GNAQ: variants seen among roughly 807,000 people sequenced by gnomAD.
The protein encoded by GNAQ is guanine nucleotide-binding protein G(q) subunit alpha.
A neutral mutation model predicts 43.9 loss-of-function variants in GNAQ; 8 were observed. That is an observed-to-expected ratio of 0.18 (90% CI 0.11 to 0.33). GNAQ has a LOEUF of 0.33. Among genes scored for constraint, GNAQ ranks in the 10% least tolerant of loss-of-function variants. GNAQ has a pLI of 1.00. For missense variants in GNAQ, 158 were observed against 450.8 expected, an observed-to-expected ratio of 0.35 and a Z score of 5.88; for synonymous variants, 155 against 170.7, an observed-to-expected ratio of 0.91 and a Z score of 0.71.
In GNAQ at chr9:77,720,075, A is replaced by G. The variant is rs1825286519; in HGVS notation, c.*1248T>C. On this transcript the variant is annotated 3_prime_UTR_variant, in exon 7 of 7. Transcript: ENST00000286548. Reference sequence around the variant, plus strand: ...CAGATTTCCTGTTAAACCACACAGGATACTTTTTACATTGCCGGTTTGGAC... The same window carrying G: ...CAGATTTCCTGTTAAACCACACAGGGTACTTTTTACATTGCCGGTTTGGAC... The G allele has an allele frequency of 4.3e-6, 1 of 232,760 alleles. No individual in the cohort carries two copies. Among genetic ancestry groups the G allele is most frequent in the Non-Finnish European group, 8.5e-6 (1 of 117,818 alleles). 14.4% of individuals were successfully genotyped at this position (232,760 alleles called of 1,614,324 possible). A position where few individuals can be genotyped will look rare whatever the true frequency, so the allele number is the denominator to read the frequency against.
At chr9:77,743,996 A>AAGC (rs1825693900) in intron 5 of GNAQ, among the ~76,000 whole-genome samples, 1 of 152,244 alleles carries the variant, frequency 6.6e-6, no homozygotes, top group Non-Finnish European at 1.5e-5. Context: ...AATTCGGATC[A>AAGC]GAGTGCAAGG....
At position 78,031,734 on chromosome 9, in the gene GNAQ, G is replaced by A. The variant is rs2118635031; in HGVS notation, c.-499C>T. On this transcript the variant is annotated 5_prime_UTR_variant, in exon 1 of 7. Transcript: ENST00000286548. ...CCGCTCCTCGCCGCCGCCTGACACG[G>A]CTCCCGGGCGCCCTCGGCCCTGTCC... 6.8e-6 allele frequency among the ~76,000 whole-genome samples: 1 copy of A among 147,614 alleles called. No homozygotes were observed. Among genetic ancestry groups the A allele is most frequent in the African/African-American group, 2.4e-5 (1 of 40,972 alleles).
rs1403714503 is a variant in GNAQ, at chr9:77,866,462, T to C, written c.322-50692A>G. Among the ~76,000 whole-genome samples, 6 of 152,106 alleles carry C rather than the reference T, an allele frequency of 3.9e-5. 1 individual carries two copies. The East Asian group carries it at 1.2e-3, about 29-fold the overall frequency. ...CAAAAAATAAATAAATAATTAAAAA[T>C]TAAAAATTAAAACTAAACCAAATCA... On this transcript the variant is annotated intron_variant, in intron 2 of 6. Transcript: ENST00000286548.
At chr9:77,861,680 C>T (rs1260721594) in intron 2 of GNAQ, among the ~76,000 whole-genome samples, 2 of 152,084 alleles carry the variant, frequency 1.3e-5, no homozygotes, top group Non-Finnish European at 2.9e-5. Flanking sequence ...TCCTTTGACT[C>T]CATGTCTCAC....
intron 1 of GNAQ, among the ~76,000 whole-genome samples, 169 bp from the exon 2 acceptor site, chr9:77,922,514 G>A (rs539474068): frequency 6.6e-6 from 1 of 152,140 alleles, no homozygotes; most frequent in Non-Finnish European, 1.5e-5. Flanking sequence ...AAATTAGAGG[G>A]AGAGAGTCTA....
chr9:77,953,623 G>A (rs984037584), intron 1 of GNAQ, among the ~76,000 whole-genome samples: 1 of 152,154 alleles, frequency 6.6e-6, no homozygotes, highest in African/African-American at 2.4e-5. Context: ...GTGAATCCCT[G>A]CACACCCAAA....
chr9:77,848,934 C>A (rs1827628642), intron 2 of GNAQ, among the ~76,000 whole-genome samples: 1 of 152,146 alleles, frequency 6.6e-6, no homozygotes, highest in Non-Finnish European at 1.5e-5. Flanking sequence ...AGACACCGTT[C>A]TAGACATAAT....
At chr9:78,011,366 T>C (rs576190104) in intron 1 of GNAQ, among the ~76,000 whole-genome samples, 3 of 151,846 alleles carry the variant, frequency 2.0e-5, no homozygotes, top group African/African-American at 4.8e-5. Context: ...TTTGGACAAA[T>C]ACAAGGGCCA....
intron 1 of GNAQ, among the ~76,000 whole-genome samples, chr9:77,992,828 C>T (rs1248767482): frequency 6.6e-6 from 1 of 151,922 alleles, no homozygotes; most frequent in Non-Finnish European, 1.5e-5. Context: ...GCCTGTAATC[C>T]CAGCTACTTG....
intron 2 of GNAQ, among the ~76,000 whole-genome samples, chr9:77,880,963 G>A (rs1828198298): frequency 6.6e-6 from 1 of 152,140 alleles, no homozygotes; most frequent in Non-Finnish European, 1.5e-5. Flanking sequence ...TGCAAAAATA[G>A]CTTGAAGACC....
At chr9:77,793,332 A>T (rs1826606488) in intron 5 of GNAQ, among the ~76,000 whole-genome samples, 1 of 152,172 alleles carries the variant, frequency 6.6e-6, no homozygotes, top group Non-Finnish European at 1.5e-5. Flanking sequence ...ATATACTTGT[A>T]ACTCAGGAAT....
chr9:77,881,144 A>G (rs1290278760), intron 2 of GNAQ, among the ~76,000 whole-genome samples: 1 of 152,092 alleles, frequency 6.6e-6, no homozygotes, highest in Non-Finnish European at 1.5e-5. Flanking sequence ...TTGTTCCCAT[A>G]ATATAGACCT....
intron 1 of GNAQ, among the ~76,000 whole-genome samples, chr9:77,947,169 G>A (rs1369086983): frequency 6.6e-6 from 1 of 152,150 alleles, no homozygotes; most frequent in Non-Finnish European, 1.5e-5. Flanking sequence ...CTCCTTCTAT[G>A]TCTATTATGT....
chr9:77,905,426 G>GC lies in GNAQ; in HGVS notation c.321+16734dup, dbSNP rs905534036. 3.3e-5 allele frequency among the ~76,000 whole-genome samples: 5 copies of GC among 152,088 alleles called. No homozygotes were observed. In the South Asian group the frequency reaches 1.0e-3, roughly 32 times the overall value. On this transcript the variant is annotated intron_variant, in intron 2 of 6. Transcript: ENST00000286548. ...GCTCAGGTGTCTGCATGGTAATTAAGCCCCCCAGGTGATTCCAAAGCTTAT... is the reference window on the plus strand; with the variant it reads ...GCTCAGGTGTCTGCATGGTAATTAAGCCCCCCCAGGTGATTCCAAAGCTTAT...
intron 1 of GNAQ, among the ~76,000 whole-genome samples, chr9:77,939,618 A>T (rs2118337073): frequency 6.6e-6 from 1 of 152,330 alleles, no homozygotes; most frequent in East Asian, 1.9e-4. Flanking sequence ...AAAAAAACAG[A>T]AAAAATCCAA....
chr9:77,732,662 G>A (rs531585989), intron 5 of GNAQ, among the ~76,000 whole-genome samples: 3 of 152,226 alleles, frequency 2.0e-5, no homozygotes, highest in African/African-American at 2.4e-5. Context: ...CACCGCACCC[G>A]GCAGGATACT....
intron 5 of GNAQ, among the ~76,000 whole-genome samples, chr9:77,740,100 C>CATT (rs1228228194): frequency 3.3e-5 from 5 of 152,162 alleles, no homozygotes; most frequent in Non-Finnish European, 7.4e-5. Context: ...ATATTTCCTT[C>CATT]ATTGTCTCAA....
At chr9:77,988,316 C>T (rs575800008) in intron 1 of GNAQ, among the ~76,000 whole-genome samples, 1 of 152,286 alleles carries the variant, frequency 6.6e-6, no homozygotes, top group East Asian at 1.9e-4. Flanking sequence ...AGAAAGAATA[C>T]CAGGAAAACG....
chr9:77,874,280 C>G (rs1037003972), intron 2 of GNAQ, among the ~76,000 whole-genome samples: 1 of 152,046 alleles, frequency 6.6e-6, no homozygotes, highest in African/African-American at 2.4e-5. Context: ...AAAGGTAAAA[C>G]GAGTCTTTCC....
Sources: gnomAD v4.1 joint callset for allele counts (sites outside exome capture counted in the v4.1 genomes callset) on GRCh38, gnomAD v4.1.1 for gene constraint, MANE v1.5 for transcripts, NCBI Gene and HGNC (gene_info 2026-07-23, HGNC 2026-07-21) for gene names.